PLEKHG4B: variants seen among roughly 807,000 people sequenced by gnomAD.
The protein encoded by PLEKHG4B is pleckstrin homology and RhoGEF domain containing G4B.
A neutral mutation model predicts 121.3 loss-of-function variants in PLEKHG4B; 111 were observed. The ratio of observed to expected loss-of-function variants is 0.92; its 90% CI spans 0.78 to 1.07. The LOEUF (loss-of-function observed/expected upper bound fraction) is 1.07, where lower values mean the gene tolerates loss of function less well. Ranked by LOEUF, PLEKHG4B falls within the 50% of genes least tolerant of loss-of-function variation. The probability of loss-of-function intolerance (pLI) is 0.00; values close to 1 mark genes in which losing one functional copy is unlikely to be tolerated. For synonymous variants in PLEKHG4B, 738 were observed against 725.0 expected (o/e 1.02, Z -0.29); for missense variants, 1,831 against 1,757.8 (o/e 1.04, Z -0.74).
intron 2 of PLEKHG4B, among the ~76,000 whole-genome samples, chr5:121,548 T>A (rs1434775457): frequency 6.6e-6 from 1 of 152,112 alleles, no homozygotes; most frequent in Non-Finnish European, 1.5e-5. Context: ...ATTGTTAGAT[T>A]TTTTTCAATT....
chr5:97,053 C>T (rs1733648694), intron 1 of PLEKHG4B, among the ~76,000 whole-genome samples: 1 of 152,046 alleles, frequency 6.6e-6, no homozygotes. Context: ...ATTCCAAAGT[C>T]AAACCCCTTA....
chr5:148,422 C>T (rs1735501601), intron 6 of PLEKHG4B, among the ~76,000 whole-genome samples: 1 of 151,142 alleles, frequency 6.6e-6, no homozygotes. Context: ...ATATCAGTCA[C>T]ACTTCTCTAT....
intron 7 of PLEKHG4B, 148 bp downstream of exon 7, chr5:151,747 T>C: frequency 1.9e-6 from 1 of 530,776 alleles, no homozygotes; most frequent in East Asian, 3.3e-5. Context: ...CCGTAAGTTC[T>C]TGCAGGAGTC....
rs536220174 is a variant in PLEKHG4B at position 169,355 on chromosome 5, C to T, written c.3492C>T (p.His1164=). 1 of 1,614,088 alleles carries T rather than the reference C, an allele frequency of 6.2e-7. No individual in the cohort carries two copies. Among genetic ancestry groups the T allele is most frequent in the East Asian group, 2.2e-5 (1 of 44,886 alleles). ...RQQVGSSRLR[H]IMAEMIATER... Reference sequence around the variant, plus strand: ...TGTCTTCCAGCAGCCGACTGAGGCACATCATGGCCGAGATGATCGCCACAG... The same window carrying T: ...TGTCTTCCAGCAGCCGACTGAGGCATATCATGGCCGAGATGATCGCCACAG... Residue 1164 remains histidine, a synonymous_variant, in exon 14 of 20, where the codon CAC becomes CAT. Transcript: ENST00000637938.
Position 143,261 on chromosome 5 carries a change from G to A in PLEKHG4B, c.1687+5G>A, listed in dbSNP as rs1477716957. 1 of 1,609,778 alleles carries A rather than the reference G, an allele frequency of 6.2e-7. No individual in the cohort carries two copies. The highest frequency in any genetic ancestry group is 1.7e-5 in the Admixed American group (1 of 60,022). On this transcript the variant is annotated splice_donor_5th_base_variant and intron_variant, in intron 4 of 19. Transcript: ENST00000637938. ...CCGGGGTCGTCACCCTCCCAGGTGA[G>A]AGCACATGCCAGGCTCTCCTGTCAG...
intron 13 of PLEKHG4B, among the ~76,000 whole-genome samples, chr5:167,300 A>G (rs1334175969): frequency 6.6e-6 from 1 of 152,224 alleles, no homozygotes; most frequent in Non-Finnish European, 1.5e-5. Flanking sequence ...TCTGTTATGC[A>G]GGAGTGAAGG....
Position 143,475 on chromosome 5 carries a change from C to G in PLEKHG4B, c.1783C>G (p.Leu595Val). ...CTCGTCCTGTGCTGAGCTGACCCGC[C>G]TGCTGCTGTACTTCCATAGCATCCC... ...EHSSCAELTR[L>V]LLYFHSIPRK... The change falls in exon 5 of 20, where the codon CTG becomes GTG. Residue 595 changes from leucine (L) to valine (V), a missense_variant. Coordinates refer to ENST00000637938, the MANE Select transcript of PLEKHG4B (RefSeq NM_052909.5). The G allele has an allele frequency of 6.2e-7, 1 of 1,612,908 alleles. No homozygotes were observed. The highest frequency in any genetic ancestry group is 8.5e-7 in the Non-Finnish European group (1 of 1,179,996).
chr5:118,787 G>A (rs377557369), intron 2 of PLEKHG4B, among the ~76,000 whole-genome samples: 5 of 150,654 alleles, frequency 3.3e-5, no homozygotes, highest in Non-Finnish European at 5.9e-5. Flanking sequence ...TTTGTCTTTT[G>A]TTGTCATATA....
At chr5:178,900 G>A (rs1450606003) in intron 18 of PLEKHG4B, among the ~76,000 whole-genome samples, 2 of 152,210 alleles carry the variant, frequency 1.3e-5, no homozygotes, top group East Asian at 1.9e-4. Flanking sequence ...TAAATCATCT[G>A]TAGATTACTT....
chr5:162,907 G>A lies in PLEKHG4B; in HGVS notation c.2835G>A (p.Leu945=). ...KPWASQQDLW[L]QYPQTRLRLE... The stretch of plus-strand genomic sequence containing the variant: ...GGGCATCACAGCAAGACCTGTGGCT[G>A]CAGTACCCCCAGACCCGGCTCCGTC... The change falls in exon 13 of 20, where the codon CTG becomes CTA. Residue 945 remains leucine, a synonymous_variant. Coordinates refer to ENST00000637938, the MANE Select transcript of PLEKHG4B (RefSeq NM_052909.5). 6.5e-7 allele frequency: 1 copy of A among 1,536,064 alleles called. No individual in the cohort carries two copies.
intron 2 of PLEKHG4B, among the ~76,000 whole-genome samples, chr5:125,536 A>C (rs1246278872): frequency 6.6e-6 from 1 of 152,162 alleles, no homozygotes; most frequent in Non-Finnish European, 1.5e-5. Context: ...TATTAGTATG[A>C]AGTATTACTA....
chr5:116,829 C>T (rs972530817), intron 2 of PLEKHG4B, among the ~76,000 whole-genome samples: 1 of 152,184 alleles, frequency 6.6e-6, no homozygotes, highest in African/African-American at 2.4e-5. Context: ...CCAGGCACAA[C>T]CTAGATTTGA....
chr5:169,202 GT>G, intron 13 of PLEKHG4B, 137 bp from the exon 14 acceptor site: 3 of 1,192,446 alleles, frequency 2.5e-6, no homozygotes, highest in Non-Finnish European at 3.5e-6. Flanking sequence ...CATCCCACAT[GT>G]GCCCATGTGC....
intron 2 of PLEKHG4B, among the ~76,000 whole-genome samples, chr5:129,808 A>G (rs891218777): frequency 5.9e-5 from 9 of 152,152 alleles, no homozygotes; most frequent in Non-Finnish European, 1.2e-4. Context: ...TAGGGTATGT[A>G]TGACCTTTTT....
rs146678784 is a variant in PLEKHG4B at position 153,014 on chromosome 5, A to G, written c.1992+1415A>G. On this transcript the variant is annotated intron_variant, in intron 7 of 19. Coordinates refer to ENST00000637938, the MANE Select transcript of PLEKHG4B (RefSeq NM_052909.5). ...TGAGTCAATTAAACCTCTTTCCTTT[A>G]TAAATTACCCAGTCTCAGGTAGTAT... Among the ~76,000 whole-genome samples, 55 of 152,330 alleles carry G rather than the reference A, an allele frequency of 3.6e-4. 2 individuals carry two copies. The East Asian group carries it at 8.9e-3, about 25-fold the overall frequency.
intron 1 of PLEKHG4B, among the ~76,000 whole-genome samples, chr5:102,296 G>A (rs761685096): frequency 5.9e-5 from 9 of 151,668 alleles, no homozygotes; most frequent in South Asian, 2.1e-4. Flanking sequence ...TTTTATTATT[G>A]TTATGAGTAT....
At chr5:104,591 C>T (rs1560896402) in intron 1 of PLEKHG4B, among the ~76,000 whole-genome samples, 1 of 151,970 alleles carries the variant, frequency 6.6e-6, no homozygotes, top group African/African-American at 2.4e-5. Context: ...ATTTTTTTTA[C>T]ACAATTTTGA....
intron 17 of PLEKHG4B, 66 bp from the exon 18 acceptor site, chr5:173,852 T>C: frequency 6.4e-7 from 1 of 1,554,218 alleles, no homozygotes; most frequent in Non-Finnish European, 8.7e-7. Flanking sequence ...ACTGAGGAAT[T>C]TGGGTAGCCA....
intron 1 of PLEKHG4B, among the ~76,000 whole-genome samples, chr5:99,923 TATC>T (rs1156398952): frequency 6.6e-6 from 1 of 152,154 alleles, no homozygotes; most frequent in African/African-American, 2.4e-5. Context: ...CTGGGTCTGT[TATC>T]ATGAAAGGGT....
Sources: allele counts gnomAD v4.1 joint callset (sites outside exome capture counted in the v4.1 genomes callset), GRCh38; gene constraint gnomAD v4.1.1; transcripts MANE v1.5; gene names NCBI Gene and HGNC (gene_info 2026-07-23, HGNC 2026-07-21).